IL12RB2: variants seen among roughly 807,000 people sequenced by gnomAD.
IL12RB2 encodes the protein interleukin-12 receptor subunit beta-2.
A neutral mutation model predicts 89.4 loss-of-function variants in IL12RB2; 82 were observed. The observed-to-expected ratio is 0.92, with a 90% CI of 0.77 to 1.10. The LOEUF is 1.10. Among genes scored for constraint, IL12RB2 ranks in the 50% least tolerant of loss-of-function variants. The pLI, the probability that IL12RB2 is intolerant of heterozygous loss-of-function variation, is 0.00. For synonymous variants in IL12RB2, 368 were observed against 370.1 expected, an observed-to-expected ratio of 0.99 and a Z score of 0.07; for missense variants, 963 against 1,031.9, an observed-to-expected ratio of 0.93 and a Z score of 0.92.
At position 67,321,821 on chromosome 1, in the gene IL12RB2, T is replaced by G. The variant is rs974207666; in HGVS notation, c.296T>G (p.Phe99Cys). ...VTGLPLGTTL[F>C]VCKLACINSD... ...GGTCTTCCCCTTGGTACAACCTTGTTTGTCTGCAAACTGGCCTGTATCAAT... is the reference window on the plus strand; with the variant it reads ...GGTCTTCCCCTTGGTACAACCTTGTGTGTCTGCAAACTGGCCTGTATCAAT... The change falls in exon 4 of 17, where the codon TTT becomes TGT. Residue 99 changes from phenylalanine to cysteine, a missense_variant. By Grantham distance (205) the Phe-to-Cys change is radical. Transcript: ENST00000674203. 6.2e-7 allele frequency: 1 copy of G among 1,613,540 alleles called. No individual in the cohort carries two copies. The highest frequency in any genetic ancestry group is 1.7e-5 in the Admixed American group (1 of 60,002).
chr1:67,341,076 A>G (rs1357988985), intron 9 of IL12RB2, among the ~76,000 whole-genome samples: 2 of 152,198 alleles, frequency 1.3e-5, no homozygotes, highest in East Asian at 3.8e-4. Flanking sequence ...GGGCCCAAGA[A>G]GGATGCTTGG....
At chr1:67,350,762 G>A (rs989892707) in intron 9 of IL12RB2, 108 bp from the exon 10 acceptor site, 3 of 1,549,664 alleles carry the variant, frequency 1.9e-6, no homozygotes, top group Non-Finnish European at 2.6e-6. Context: ...TGAACAAAAA[G>A]GTCACTCAGC....
chr1:67,349,459 TTAATAA>T (rs1660588865), intron 9 of IL12RB2, among the ~76,000 whole-genome samples: 1 of 152,166 alleles, frequency 6.6e-6, no homozygotes. Context: ...AAGGGCATAT[TTAATAA>T]TAACAGTTTA....
chr1:67,314,773 G>A (rs916861781), intron 2 of IL12RB2, among the ~76,000 whole-genome samples: 2 of 152,132 alleles, frequency 1.3e-5, no homozygotes, highest in Admixed American at 1.3e-4. Flanking sequence ...GGCTGGTCAG[G>A]GAGTAATTGT....
Position 67,372,734 on chromosome 1 carries a change from T to A in IL12RB2, c.1668T>A (p.Tyr556Ter). The A allele has an allele frequency of 6.2e-7, 1 of 1,607,822 alleles. No individual in the cohort carries two copies. The highest frequency in any genetic ancestry group is 8.5e-7 in the Non-Finnish European group (1 of 1,174,242). Reference protein sequence around the residue: ...VQEQMGCLLHYRIYWKERDSN... With the variant: ...VQEQMGCLLH The stretch of plus-strand genomic sequence containing the variant: ...AGCAAATGGGCTGCCTCCTCCATTA[T>A]AGGATATACTGGAAGGAACGGGACT... Residue 556 changes from tyrosine (Y) to a stop codon, truncating the protein, a stop_gained, in exon 13 of 17, where the codon TAT (tyrosine) becomes TAA (stop). Transcript: ENST00000674203. LOFTEE classifies it high-confidence loss of function.
At chr1:67,374,747 A>T (rs1663767992) in intron 13 of IL12RB2, among the ~76,000 whole-genome samples, 2 of 133,054 alleles carry the variant, frequency 1.5e-5, no homozygotes, top group South Asian at 2.8e-4. Flanking sequence ...CAGTGCTGAG[A>T]TTACAGGCGT....
At position 67,326,664 on chromosome 1, in the gene IL12RB2, T is replaced by C. The variant is rs925825337; in HGVS notation, c.365-71T>C. ...TGTGGGGGACGTATTGTCATGTTGATGGCAGATAATAACAATTCGGTTGAA... is the reference window on the plus strand; with the variant it reads ...TGTGGGGGACGTATTGTCATGTTGACGGCAGATAATAACAATTCGGTTGAA... On this transcript the variant is annotated intron_variant, in intron 4 of 16. Coordinates refer to ENST00000674203, the MANE Select transcript of IL12RB2 (RefSeq NM_001374259.2). The C allele has an allele frequency of 3.2e-6, 5 of 1,578,298 alleles. No individual in the cohort carries two copies. In the African/African-American group the frequency reaches 5.4e-5, roughly 17 times the overall value.
At chr1:67,376,102 T>A (rs531505011) in intron 13 of IL12RB2, among the ~76,000 whole-genome samples, 49 of 152,076 alleles carry the variant, frequency 3.2e-4, no homozygotes, top group African/African-American at 1.1e-3. Context: ...CATCTCGGCC[T>A]CCCAAAGTGC....
intron 4 of IL12RB2, among the ~76,000 whole-genome samples, chr1:67,324,998 T>C (rs1433371971): frequency 6.6e-6 from 1 of 152,252 alleles, no homozygotes; most frequent in Non-Finnish European, 1.5e-5. Context: ...TAGCTCAAAC[T>C]CAGCTCTACC....
chr1:67,384,119 C>T (rs1357142369), intron 14 of IL12RB2, among the ~76,000 whole-genome samples: 1 of 152,230 alleles, frequency 6.6e-6, no homozygotes, highest in African/African-American at 2.4e-5. Flanking sequence ...TAGGGGCTTG[C>T]ACCCCACATT....
Position 67,360,071 on chromosome 1 carries a change from AG to A in IL12RB2, c.1259-7752del, listed in dbSNP as rs543839653. On this transcript the variant is annotated intron_variant, in intron 10 of 16. Transcript: ENST00000674203. Reference sequence around the variant, plus strand: ...AAAATCTCCACTGGGGATCAGTCATAGGAGGTCCTCACAGTTTTGTGAGTTT... The same window carrying A: ...AAAATCTCCACTGGGGATCAGTCATAGAGGTCCTCACAGTTTTGTGAGTTT... Among the ~76,000 whole-genome samples the A allele has an allele frequency of 2.5e-3, 387 of 152,232 alleles. 2 individuals are homozygous for A. Among genetic ancestry groups the A allele is most frequent in the African/African-American group, 8.9e-3 (368 of 41,530 alleles).
At chr1:67,333,284 T>C (rs1198925152) in intron 8 of IL12RB2, among the ~76,000 whole-genome samples, 1 of 152,160 alleles carries the variant, frequency 6.6e-6, no homozygotes, top group African/African-American at 2.4e-5. Context: ...AAACACCAAC[T>C]GATGTAAACG....
chr1:67,351,178 A>T, intron 10 of IL12RB2, 89 bp downstream of exon 10: 1 of 1,559,440 alleles, frequency 6.4e-7, no homozygotes, highest in Non-Finnish European at 8.7e-7. Flanking sequence ...AGGACCTAAA[A>T]TGAGTAGCTA....
Position 67,321,948 on chromosome 1 carries a change from T to C in IL12RB2, c.364+59T>C. The C allele has an allele frequency of 3.4e-6, 5 of 1,456,998 alleles. No homozygotes were observed. In the Admixed American group the frequency reaches 6.7e-5, roughly 19 times the overall value. The allele number at this position is 1,456,998 out of a possible 1,614,324, so 90.3% of individuals were successfully genotyped here. On this transcript the variant is annotated intron_variant, in intron 4 of 16. Transcript: ENST00000674203. Reference sequence around the variant, plus strand: ...TGATCTTTTGGTATTTTTGATCTTTTGGTATTTGGTGTTAAACAGAAACCC... The same window carrying C: ...TGATCTTTTGGTATTTTTGATCTTTCGGTATTTGGTGTTAAACAGAAACCC...
intron 9 of IL12RB2, among the ~76,000 whole-genome samples, chr1:67,349,871 A>C (rs1660637801): frequency 6.6e-6 from 1 of 152,256 alleles, no homozygotes; most frequent in South Asian, 2.1e-4. Flanking sequence ...TTATTCACTT[A>C]AAGTGAAAAA....
At chr1:67,335,950 T>G (rs1156763644) in intron 8 of IL12RB2, among the ~76,000 whole-genome samples, 2 of 152,262 alleles carry the variant, frequency 1.3e-5, no homozygotes, top group Non-Finnish European at 2.9e-5. Flanking sequence ...TTCTTAGCTC[T>G]GTAATAATCT....
chr1:67,335,303 G>T (rs762440425), intron 8 of IL12RB2, among the ~76,000 whole-genome samples: 15 of 152,188 alleles, frequency 9.9e-5, no homozygotes, highest in Non-Finnish European at 2.1e-4. Flanking sequence ...GCGGGGTCCA[G>T]AACTCTAGCT....
Position 67,328,360 on chromosome 1 carries a change from T to C in IL12RB2, c.640T>C (p.Ser214Pro). The stretch of plus-strand genomic sequence containing the variant: ...TCTTGGAAGCTCCTCTTCACTTCCA[T>C]CCACATTCACATTCTTGGACATAGG... ...NSLGSSSSLPSTFTFLDIVRP... is the reference protein window; with the variant it reads ...NSLGSSSSLPPTFTFLDIVRP... Residue 214 changes from serine (S) to proline (P), a missense_variant, in exon 6 of 17, where the codon TCC (serine) becomes CCC (proline). Ser to Pro is a moderately conservative substitution (Grantham distance 74). Transcript: ENST00000674203. 1 of 1,614,192 alleles carries C rather than the reference T, an allele frequency of 6.2e-7. No homozygotes were observed. Among genetic ancestry groups the C allele is most frequent in the Middle Eastern group, 1.6e-4 (1 of 6,062 alleles).
intron 1 of IL12RB2, among the ~76,000 whole-genome samples, chr1:67,309,740 C>T (rs369268069): frequency 3.9e-5 from 6 of 152,030 alleles, no homozygotes; most frequent in African/African-American, 9.7e-5. Flanking sequence ...TAGAAGAATC[C>T]GCCAAGTACA....
Sources: allele counts gnomAD v4.1 joint callset (sites outside exome capture counted in the v4.1 genomes callset), GRCh38; gene constraint gnomAD v4.1.1; transcripts MANE v1.5; gene names NCBI Gene and HGNC (gene_info 2026-07-23, HGNC 2026-07-21).